The following HAPLN1 variants were observed in gnomAD, a reference collection of about 807,000 sequenced individuals.
The protein encoded by HAPLN1 is Cartilage link protein.
Under a neutral mutation model 36.5 loss-of-function variants are expected in HAPLN1, and 13 were observed. The ratio of observed to expected loss-of-function variants is 0.36; its 90% CI spans 0.23 to 0.57. The LOEUF (loss-of-function observed/expected upper bound fraction) is 0.57. Ranked by LOEUF, HAPLN1 falls within the 20% of genes least tolerant of loss-of-function variation. The probability of loss-of-function intolerance (pLI) is 0.83; values close to 1 mark genes in which losing one functional copy is unlikely to be tolerated. For missense variants in HAPLN1, 407 were observed against 439.7 expected (o/e 0.93, Z 0.66); for synonymous variants, 202 against 169.8 (o/e 1.19, Z -1.48).
At chr5:83,719,681 C>A (rs1426293522) in intron 1 of HAPLN1, among the ~76,000 whole-genome samples, 1 of 152,068 alleles carries the variant, frequency 6.6e-6, no homozygotes, top group Non-Finnish European at 1.5e-5. Context: ...TTTGATAGAA[C>A]AATATTCCCA....
At chr5:83,706,057 CA>C (rs1447406676) in intron 1 of HAPLN1, among the ~76,000 whole-genome samples, 3 of 121,884 alleles carry the variant, frequency 2.5e-5, no homozygotes, top group Admixed American at 8.4e-5. Context: ...TGAAAAAGAC[CA>C]AAAATAAGCT....
intron 3 of HAPLN1, among the ~76,000 whole-genome samples, chr5:83,648,000 T>G (rs1393770683): frequency 6.6e-6 from 1 of 152,178 alleles, no homozygotes; most frequent in Non-Finnish European, 1.5e-5. Flanking sequence ...CAATGGAAGT[T>G]TGGAAGCATA....
chr5:83,716,317 T>C (rs1025743425), intron 1 of HAPLN1, among the ~76,000 whole-genome samples: 4 of 152,238 alleles, frequency 2.6e-5, no homozygotes, highest in Admixed American at 6.5e-5. Context: ...AGGGAAAATT[T>C]CTGTTGTCTT....
intron 3 of HAPLN1, among the ~76,000 whole-genome samples, chr5:83,645,442 G>A (rs1196215833): frequency 8.5e-6 from 1 of 117,794 alleles, no homozygotes; most frequent in African/African-American, 3.2e-5. Context: ...AACATTGTGA[G>A]ATTTTTTGTG....
At chr5:83,672,471 G>A (rs1750756135) in intron 2 of HAPLN1, among the ~76,000 whole-genome samples, 1 of 152,178 alleles carries the variant, frequency 6.6e-6, no homozygotes, top group South Asian at 2.1e-4. Context: ...GTCTAAAATA[G>A]CTAGACATAG....
intron 1 of HAPLN1, among the ~76,000 whole-genome samples, chr5:83,688,804 A>G (rs180983973): frequency 3.3e-5 from 5 of 152,122 alleles, no homozygotes; most frequent in Admixed American, 3.3e-4. Flanking sequence ...GAACTCTTCT[A>G]TCACCCTCTG....
At chr5:83,649,672 C>T (rs1375239780) in intron 3 of HAPLN1, among the ~76,000 whole-genome samples, 1 of 152,172 alleles carries the variant, frequency 6.6e-6, no homozygotes, top group Admixed American at 6.5e-5. Flanking sequence ...TGGTCGCAAA[C>T]TCCTGACTCC....
chr5:83,719,033 C>G (rs976269799), intron 1 of HAPLN1, among the ~76,000 whole-genome samples: 3 of 152,130 alleles, frequency 2.0e-5, no homozygotes, highest in Admixed American at 2.0e-4. Context: ...TTTCTGTGTA[C>G]TCTGAATGTA....
At chr5:83,671,663 T>TG (rs1249634600) in intron 2 of HAPLN1, among the ~76,000 whole-genome samples, 1 of 152,132 alleles carries the variant, frequency 6.6e-6, no homozygotes, top group African/African-American at 2.4e-5. Flanking sequence ...AAAAAATTGT[T>TG]GGGAAAAAAG....
chr5:83,687,481 T>C (rs1307116223), intron 1 of HAPLN1, among the ~76,000 whole-genome samples: 2 of 152,192 alleles, frequency 1.3e-5, no homozygotes, highest in Non-Finnish European at 2.9e-5. Context: ...AGCAAGTACA[T>C]AAAATGGAAT....
Position 83,641,805 on chromosome 5 carries a change from G to A in HAPLN1, c.776-20C>T, listed in dbSNP as rs183970999. On this transcript the variant is annotated intron_variant, in intron 4 of 4. Transcript: ENST00000274341. The stretch of plus-strand genomic sequence containing the variant: ...AACGGCCTGTAGAGAAAAGGAGACA[G>A]AGTCAATGGGCTGGTCTTCAATTGA... 332 of 1,607,292 alleles carry A rather than the reference G, an allele frequency of 2.1e-4. No homozygotes were observed. Among genetic ancestry groups the A allele is most frequent in the Non-Finnish European group, 2.7e-4 (318 of 1,175,406 alleles).
chr5:83,698,881 G>T (rs1176907246), intron 1 of HAPLN1, among the ~76,000 whole-genome samples: 1 of 151,980 alleles, frequency 6.6e-6, no homozygotes, highest in Admixed American at 6.6e-5. Flanking sequence ...GGATATAGAA[G>T]GTTTCTCCAA....
intron 1 of HAPLN1, among the ~76,000 whole-genome samples, chr5:83,678,218 T>G (rs1393224674): frequency 2.0e-5 from 1 of 50,544 alleles, no homozygotes; most frequent in Admixed American, 1.8e-4. Flanking sequence ...ATCTATAGTT[T>G]GGGTGTGTGT....
chr5:83,692,030 A>G (rs1751287695), intron 1 of HAPLN1, among the ~76,000 whole-genome samples: 1 of 151,926 alleles, frequency 6.6e-6, no homozygotes, highest in African/African-American at 2.4e-5. Context: ...AGGTTAAACA[A>G]TTCAGGATAA....
At position 83,641,699 on chromosome 5, in the gene HAPLN1, T is replaced by C; in HGVS notation, c.862A>G (p.Lys288Glu). ...CAGGCAGCAAATATCTGGCCCACTT[T>C]TGCAATCTGAGCACCATCATTGAGA... ...ACLNDGAQIA[K>E]VGQIFAAWKI... The change falls in exon 5 of 5, where the codon AAA becomes GAA. Residue 288 changes from lysine (K) to glutamate (E), a missense_variant. Physicochemically the swap from Lys to Glu is moderately conservative, Grantham distance 56. Transcript: ENST00000274341. 1 of 1,614,184 alleles carries C rather than the reference T, an allele frequency of 6.2e-7. No individual in the cohort carries two copies. The highest frequency in any genetic ancestry group is 1.7e-5 in the Admixed American group (1 of 60,020).
At chr5:83,679,951 T>A (rs1428919319) in intron 1 of HAPLN1, among the ~76,000 whole-genome samples, 3 of 152,232 alleles carry the variant, frequency 2.0e-5, no homozygotes, top group African/African-American at 7.2e-5. Flanking sequence ...TTATGTTGCA[T>A]TTTAGGACTG....
At chr5:83,690,572 A>G (rs1205640314) in intron 1 of HAPLN1, among the ~76,000 whole-genome samples, 1 of 152,062 alleles carries the variant, frequency 6.6e-6, no homozygotes, top group Non-Finnish European at 1.5e-5. Context: ...ATTTTCACAG[A>G]TTTCATTGTA....
At chr5:83,671,674 T>C (rs1003615402) in intron 2 of HAPLN1, among the ~76,000 whole-genome samples, 2 of 152,190 alleles carry the variant, frequency 1.3e-5, no homozygotes, top group South Asian at 4.1e-4. Flanking sequence ...GGGAAAAAAG[T>C]AATGAGAACA....
At chr5:83,712,947 T>C (rs1751829640) in intron 1 of HAPLN1, among the ~76,000 whole-genome samples, 1 of 150,194 alleles carries the variant, frequency 6.7e-6, no homozygotes, top group African/African-American at 2.4e-5. Flanking sequence ...ACTACAAATC[T>C]GACCTAAGAT....
Sources: allele counts gnomAD v4.1 joint callset (sites outside exome capture counted in the v4.1 genomes callset), GRCh38; gene constraint gnomAD v4.1.1; transcripts MANE v1.5; gene names NCBI Gene and HGNC (gene_info 2026-07-23, HGNC 2026-07-21).